The following ZFR2 variants were observed in gnomAD, a reference collection of about 807,000 sequenced individuals.
The protein encoded by ZFR2 is zinc finger RNA-binding protein 2.
A neutral mutation model predicts 105.7 loss-of-function variants in ZFR2; 104 were observed. The observed-to-expected ratio is 0.98, with a 90% CI of 0.84 to 1.16. ZFR2 has a LOEUF of 1.16. ZFR2 is among the 50% of genes most tolerant of loss of function. The pLI is 0.00. For synonymous variants in ZFR2, 634 were observed against 597.7 expected (o/e 1.06, Z -0.89); for missense variants, 1,425 against 1,355.5 (o/e 1.05, Z -0.80).
At chr19:3,840,824 G>A (rs543416789) in intron 1 of ZFR2, among the ~76,000 whole-genome samples, 11 of 152,272 alleles carry the variant, frequency 7.2e-5, no homozygotes, top group Middle Eastern at 3.4e-3. Flanking sequence ...AAGCTAGGCT[G>A]AGCACTTAAA....
chr19:3,806,260 C>A, intron 18 of ZFR2, 135 bp from the exon 19 acceptor site: 1 of 986,840 alleles, frequency 1.0e-6, no homozygotes, highest in Non-Finnish European at 1.3e-6. Context: ...TAGCCCCCGG[C>A]CCCCCGCCGC....
intron 14 of ZFR2, among the ~76,000 whole-genome samples, chr19:3,812,017 C>T (rs1350159539): frequency 6.6e-6 from 1 of 152,168 alleles, no homozygotes; most frequent in Non-Finnish European, 1.5e-5. Flanking sequence ...AATCTTGGCT[C>T]ACTGCAACCT....
At chr19:3,847,901 T>C (rs776642206) in intron 1 of ZFR2, among the ~76,000 whole-genome samples, 6 of 152,042 alleles carry the variant, frequency 3.9e-5, no homozygotes, top group Non-Finnish European at 7.4e-5. Context: ...TCCTGAGACA[T>C]ACAGGAGAGG....
intron 5 of ZFR2, among the ~76,000 whole-genome samples, chr19:3,828,534 A>G (rs2037977885): frequency 6.6e-6 from 1 of 152,182 alleles, no homozygotes; most frequent in African/African-American, 2.4e-5. Context: ...AGTCACGTAC[A>G]CTTCCATCTT....
At chr19:3,852,314 C>T in intron 1 of ZFR2, 1 of 620,736 alleles carries the variant, frequency 1.6e-6, no homozygotes, top group Non-Finnish European at 2.9e-6. Context: ...GGTGGCAATC[C>T]TGGTGGAGGT....
intron 1 of ZFR2, among the ~76,000 whole-genome samples, chr19:3,867,634 C>T (rs1476481971): frequency 1.3e-5 from 2 of 151,964 alleles, no homozygotes; most frequent in Non-Finnish European, 2.9e-5. Context: ...ACTCAGGGCC[C>T]TTTCTCCCTC....
chr19:3,848,807 C>T (rs1233243480), intron 1 of ZFR2, among the ~76,000 whole-genome samples: 11 of 151,654 alleles, frequency 7.3e-5, no homozygotes, highest in East Asian at 5.9e-4. Context: ...CTGGCTAACA[C>T]GGTGAAACCC....
chr19:3,821,991 C>A, intron 9 of ZFR2, 90 bp downstream of exon 9: 1 of 1,478,406 alleles, frequency 6.8e-7, no homozygotes, highest in South Asian at 1.3e-5. Flanking sequence ...GGATCACACG[C>A]GCGGAAGAGG....
intron 1 of ZFR2, among the ~76,000 whole-genome samples, chr19:3,849,853 G>A (rs1568430804): frequency 3.3e-5 from 5 of 152,320 alleles, no homozygotes; most frequent in Middle Eastern, 3.4e-3. Context: ...ATGGATGTGC[G>A]ACCAACATGC....
intron 1 of ZFR2, among the ~76,000 whole-genome samples, chr19:3,864,168 G>C (rs1452806615): frequency 6.6e-6 from 1 of 152,060 alleles, no homozygotes; most frequent in African/African-American, 2.4e-5. Context: ...GAGATCTCTT[G>C]AGGCCGGTTC....
rs757100213 is a variant in ZFR2 at position 3,825,213 on chromosome 19, C to G, written c.1213+17G>C. ...GGGCTCTGGTGGGTACACGAACACG[C>G]ATACAGACACACGTACCCTCGCATA... On this transcript the variant is annotated intron_variant, in intron 7 of 18. Coordinates refer to ENST00000262961, the MANE Select transcript of ZFR2 (RefSeq NM_015174.2). 1.2e-5 allele frequency: 18 copies of G among 1,501,434 alleles called. No homozygotes were observed. The Admixed American group carries it at 4.0e-4, about 33-fold the overall frequency. The allele number at this position is 1,501,434 out of a possible 1,614,324, so 93.0% of individuals were successfully genotyped here.
intron 1 of ZFR2, 27 bp from the exon 2 acceptor site, chr19:3,835,010 C>G (rs1244357920): frequency 6.3e-7 from 1 of 1,595,372 alleles, no homozygotes; most frequent in East Asian, 2.3e-5. Flanking sequence ...ACACCAAAGC[C>G]CCACCAGGTT....
At position 3,813,774 on chromosome 19, in the gene ZFR2, G is replaced by A. The variant is rs1269704719; in HGVS notation, c.2242+46C>T. The A allele has an allele frequency of 6.2e-7, 1 of 1,606,976 alleles. No homozygotes were observed. The highest frequency in any genetic ancestry group is 8.5e-7 in the Non-Finnish European group (1 of 1,175,976). On this transcript the variant is annotated intron_variant, in intron 14 of 18. Transcript: ENST00000262961. The surrounding 1 kb of genome is among the most constrained non-coding windows in gnomAD (Gnocchi z 4.4). ...GGCCTGGGTGTGGGGAGCGCCCTGGGGAAGCGTGAGGGGGACAGTGGTTGG... is the reference window on the plus strand; with the variant it reads ...GGCCTGGGTGTGGGGAGCGCCCTGGAGAAGCGTGAGGGGGACAGTGGTTGG...
rs111596094 is a variant in ZFR2 at position 3,862,390 on chromosome 19, C to T, written c.53+6575G>A. Among the ~76,000 whole-genome samples the T allele has an allele frequency of 1.6e-4, 24 of 152,220 alleles. 2 individuals are homozygous for T. The highest frequency in any genetic ancestry group is 5.8e-4 in the African/African-American group (24 of 41,534). ...TCAGCTCACTGCAACCTCCACCTCC[C>T]GGATTCAAGCGATTCTCCTGCCTCA... On this transcript the variant is annotated intron_variant, in intron 1 of 18. Transcript: ENST00000262961.
At position 3,855,419 on chromosome 19, in the gene ZFR2, C is replaced by T; in HGVS notation, c.53+13546G>A. On this transcript the variant is annotated intron_variant, in intron 1 of 18. Transcript: ENST00000262961. ...CAAAATACCTGACAGAAAGTGAAAG[C>T]AGTCCCGGGCGATCCGGCGGCAGAT... The T allele has an allele frequency of 8.1e-7, 1 of 1,231,706 alleles. No individual in the cohort carries two copies. The highest frequency in any genetic ancestry group is 1.0e-6 in the Non-Finnish European group (1 of 987,988). 76.3% of individuals were successfully genotyped at this position (1,231,706 alleles called of 1,614,324 possible).
At chr19:3,837,022 T>G (rs781301363) in intron 1 of ZFR2, among the ~76,000 whole-genome samples, 3 of 152,206 alleles carry the variant, frequency 2.0e-5, no homozygotes, top group Non-Finnish European at 4.4e-5. Flanking sequence ...CTACACCACC[T>G]GGCCCCCAAC....
chr19:3,867,012 G>A (rs1226669050), intron 1 of ZFR2, among the ~76,000 whole-genome samples: 6 of 152,112 alleles, frequency 3.9e-5, no homozygotes, highest in Non-Finnish European at 7.4e-5. Context: ...TTCTCTTTGT[G>A]ATTCCATTAG....
chr19:3,837,517 C>A (rs1360883232), intron 1 of ZFR2, among the ~76,000 whole-genome samples: 1 of 151,354 alleles, frequency 6.6e-6, no homozygotes, highest in Non-Finnish European at 1.5e-5. Context: ...GTGACCGTGA[C>A]ACTCGATGAA....
At position 3,823,426 on chromosome 19, in the gene ZFR2, T is replaced by G; in HGVS notation, c.1214-23A>C. 1 of 1,569,526 alleles carries G rather than the reference T, an allele frequency of 6.4e-7. No individual in the cohort carries two copies. Among genetic ancestry groups the G allele is most frequent in the South Asian group, 1.2e-5 (1 of 84,504 alleles). On this transcript the variant is annotated intron_variant, in intron 7 of 18. Coordinates refer to ENST00000262961, the MANE Select transcript of ZFR2 (RefSeq NM_015174.2). The surrounding 1 kb of genome is among the most constrained non-coding windows in gnomAD (Gnocchi z 5.4). ...GCCCTGAGGGGAAAAACCATGTCAC[T>G]TATACCCTGTTCCAGGAGAAAGCAC...
Sources: allele counts gnomAD v4.1 joint callset (sites outside exome capture counted in the v4.1 genomes callset), GRCh38; gene constraint gnomAD v4.1.1; non-coding constraint Gnocchi (gnomAD v3.1); transcripts MANE v1.5; gene names NCBI Gene and HGNC (gene_info 2026-07-23, HGNC 2026-07-21).